Variants in GRIN2B observed in about 807,000 individuals in gnomAD.
GRIN2B encodes the protein glutamate ionotropic receptor NMDA type subunit 2B.
GRIN2B carries 5 observed loss-of-function variants against 114.5 expected under a neutral mutation model. That is an observed-to-expected ratio of 0.04 (90% CI 0.02 to 0.09). The LOEUF is 0.09. GRIN2B is among the 10% of genes least tolerant of loss of function. GRIN2B has a pLI of 1.00. For synonymous variants in GRIN2B, 787 were observed against 745.1 expected (o/e 1.06, Z -0.92); for missense variants, 1,108 against 1,943.5 (o/e 0.57, Z 8.08).
intron 12 of GRIN2B, among the ~76,000 whole-genome samples, chr12:13,568,975 A>G (rs1317294602): frequency 1.3e-5 from 2 of 152,200 alleles, no homozygotes; most frequent in Admixed American, 6.5e-5. Context: ...GAGAGCAGGA[A>G]GAATGAAGAG....
chr12:13,876,994 C>G (rs1865999897), intron 2 of GRIN2B, among the ~76,000 whole-genome samples: 1 of 152,170 alleles, frequency 6.6e-6, no homozygotes, highest in African/African-American at 2.4e-5. Context: ...GTTATTATAA[C>G]AGAAGGGCAA....
At chr12:13,656,040 G>A (rs370408564) in intron 5 of GRIN2B, among the ~76,000 whole-genome samples, 3 of 151,826 alleles carry the variant, frequency 2.0e-5, no homozygotes, top group East Asian at 1.9e-4. Flanking sequence ...TTCCCTCTCC[G>A]TTCTCTTGCT....
chr12:13,939,697 C>A (rs1056553559), intron 2 of GRIN2B, among the ~76,000 whole-genome samples: 2 of 151,810 alleles, frequency 1.3e-5, no homozygotes, highest in East Asian at 1.9e-4. Flanking sequence ...TGGGTGCACA[C>A]CACCATGCCC....
intron 2 of GRIN2B, among the ~76,000 whole-genome samples, chr12:13,903,122 CTTATA>C (rs750450963): frequency 1.3e-5 from 2 of 151,468 alleles, no homozygotes; most frequent in African/African-American, 4.9e-5. Flanking sequence ...CCATTTGTAC[CTTATA>C]TTATTTTGTG....
At chr12:13,785,252 G>A (rs1213680177) in intron 3 of GRIN2B, among the ~76,000 whole-genome samples, 3 of 151,846 alleles carry the variant, frequency 2.0e-5, no homozygotes, top group African/African-American at 4.8e-5. Flanking sequence ...TGTTCCCCTG[G>A]CATCCATCCT....
At chr12:13,673,993 A>C (rs1950046837) in intron 5 of GRIN2B, among the ~76,000 whole-genome samples, 1 of 152,106 alleles carries the variant, frequency 6.6e-6, no homozygotes, top group Non-Finnish European at 1.5e-5. Context: ...GATTGTAGTG[A>C]AAAGCAGAAG....
intron 4 of GRIN2B, among the ~76,000 whole-genome samples, chr12:13,742,185 G>A (rs115156799): frequency 1.2e-3 from 188 of 152,280 alleles, no homozygotes; most frequent in African/African-American, 4.1e-3. Flanking sequence ...TTTCTGGGGC[G>A]TAGATGACAT....
chr12:13,784,823 C>T (rs1864194688), intron 3 of GRIN2B, among the ~76,000 whole-genome samples: 1 of 152,178 alleles, frequency 6.6e-6, no homozygotes, highest in African/African-American at 2.4e-5. Flanking sequence ...AAACATGGGG[C>T]AACCCAAGCA....
At position 13,552,528 on chromosome 12, in the gene GRIN2B, C is replaced by T. The variant is rs1394204380; in HGVS notation, c.*10255G>A. On this transcript the variant is annotated 3_prime_UTR_variant, in exon 14 of 14. Transcript: ENST00000609686. ...TTGTAGGCAAAATAATTGACATGAA[C>T]AGTTCATGGCTAAAATGCCTAGAAT... 6 of 152,034 alleles carry T rather than the reference C, an allele frequency of 3.9e-5. No individual in the cohort carries two copies. The highest frequency in any genetic ancestry group is 7.4e-5 in the Non-Finnish European group (5 of 67,998). The allele number at this position is 152,034 out of a possible 1,614,324, so 9.4% of individuals were successfully genotyped here.
At chr12:13,798,569 G>T (rs893763344) in intron 3 of GRIN2B, among the ~76,000 whole-genome samples, 38 of 152,176 alleles carry the variant, frequency 2.5e-4, no homozygotes, top group African/African-American at 8.4e-4. Context: ...TGTTTGATAT[G>T]CTTATTATCA....
At chr12:13,601,925 A>T (rs183422236) in intron 10 of GRIN2B, among the ~76,000 whole-genome samples, 1 of 152,280 alleles carries the variant, frequency 6.6e-6, no homozygotes, top group East Asian at 1.9e-4. Flanking sequence ...TGGGGCATAT[A>T]GCAGACCCAT....
At position 13,548,884 on chromosome 12, in the gene GRIN2B, C is replaced by G. The variant is rs1215365074; in HGVS notation, c.*13899G>C. Reference sequence around the variant, plus strand: ...TCTGAAACTAGCCTCCTGAACCAGGCTCCGGGGATCAGTACACTCTGAAGT... The same window carrying G: ...TCTGAAACTAGCCTCCTGAACCAGGGTCCGGGGATCAGTACACTCTGAAGT... On this transcript the variant is annotated 3_prime_UTR_variant, in exon 14 of 14. Transcript: ENST00000609686. 2 of 152,108 alleles carry G rather than the reference C, an allele frequency of 1.3e-5. No homozygotes were observed. Among genetic ancestry groups the G allele is most frequent in the African/African-American group, 4.8e-5 (2 of 41,406 alleles). The allele number at this position is 152,108 out of a possible 1,614,324, so 9.4% of individuals were successfully genotyped here. A position where few individuals can be genotyped will look rare whatever the true frequency, so the allele number is the denominator to read the frequency against.
At chr12:13,684,579 A>C (rs1198807382) in intron 4 of GRIN2B, among the ~76,000 whole-genome samples, 1 of 152,206 alleles carries the variant, frequency 6.6e-6, no homozygotes, top group Non-Finnish European at 1.5e-5. Flanking sequence ...AGAAAGGTAG[A>C]AATCCCCAGA....
At chr12:13,675,016 T>C (rs11055580) in intron 5 of GRIN2B, among the ~76,000 whole-genome samples, 20,703 of 152,218 alleles carry the variant, frequency 0.14, 1,802 homozygotes, top group Middle Eastern at 0.19. Context: ...CTCTCAGGAA[T>C]ACTTGTATTC....
intron 5 of GRIN2B, among the ~76,000 whole-genome samples, chr12:13,657,232 G>A (rs946610699): frequency 7.2e-5 from 11 of 152,320 alleles, no homozygotes; most frequent in African/African-American, 2.6e-4. Flanking sequence ...CTGTCTTGGA[G>A]CACGTGGTTA....
intron 10 of GRIN2B, among the ~76,000 whole-genome samples, chr12:13,585,849 T>C (rs1374380404): frequency 6.6e-6 from 1 of 152,164 alleles, no homozygotes; most frequent in Non-Finnish European, 1.5e-5. Context: ...TTTAATTTAG[T>C]CTCCACACAT....
chr12:13,850,096 C>T (rs546561738), intron 3 of GRIN2B, among the ~76,000 whole-genome samples: 1 of 152,188 alleles, frequency 6.6e-6, no homozygotes, highest in African/African-American at 2.4e-5. Flanking sequence ...TGGGCAACAC[C>T]AACACTGACT....
chr12:13,880,192 G>T (rs1208401948), intron 2 of GRIN2B, among the ~76,000 whole-genome samples: 1 of 152,196 alleles, frequency 6.6e-6, no homozygotes, highest in Non-Finnish European at 1.5e-5. Context: ...TTAGGAAGCA[G>T]CTTTTGAGCT....
chr12:13,817,249 G>A (rs1864841896), intron 3 of GRIN2B, among the ~76,000 whole-genome samples: 1 of 152,178 alleles, frequency 6.6e-6, no homozygotes, highest in South Asian at 2.1e-4. Flanking sequence ...CTCCAAGGGG[G>A]TAAATGACAG....
Sources: allele counts gnomAD v4.1 joint callset (sites outside exome capture counted in the v4.1 genomes callset), GRCh38; gene constraint gnomAD v4.1.1; transcripts MANE v1.5; gene names NCBI Gene and HGNC (gene_info 2026-07-23, HGNC 2026-07-21).